Variants in EFHB observed in about 807,000 individuals in gnomAD.
The protein encoded by EFHB is EF-hand domain family member B.
EFHB carries 91 observed loss-of-function variants against 87.2 expected under a neutral mutation model. The observed-to-expected ratio is 1.04, with a 90% CI of 0.88 to 1.24. The LOEUF is 1.24. Ranked by LOEUF, EFHB falls within the 50% of genes most tolerant of loss-of-function variation. The pLI is 0.00. For missense variants in EFHB, 1,084 were observed against 998.8 expected, an observed-to-expected ratio of 1.09 and a Z score of -1.15; for synonymous variants, 325 against 333.6, an observed-to-expected ratio of 0.97 and a Z score of 0.28.
intron 6 of EFHB, among the ~76,000 whole-genome samples, chr3:19,900,695 A>G (rs1487106946): frequency 6.6e-6 from 1 of 152,108 alleles, no homozygotes; most frequent in East Asian, 1.9e-4. Context: ...TTGGGAGGCT[A>G]AAGTGGGCAG....
In EFHB at chr3:19,933,308, T is replaced by C. The variant is rs1286266002; in HGVS notation, c.711A>G (p.Glu237=). 9 of 1,613,898 alleles carry C rather than the reference T, an allele frequency of 5.6e-6. No individual in the cohort carries two copies. The highest frequency in any genetic ancestry group is 7.6e-6 in the Non-Finnish European group (9 of 1,179,902). ...HEQRKEAGNI[E]SGVEPPDRIR... is the part of the protein sequence containing the mutation. ...TGCGATCTGGAGGTTCCACTCCTGA[T>C]TCAATGTTTCCAGCCTCCTTTCTCT... The change falls in exon 1 of 13, where the codon GAA becomes GAG. Residue 237 remains glutamate (E), a synonymous_variant. Coordinates refer to ENST00000295824, the MANE Select transcript of EFHB (RefSeq NM_144715.4).
upstream of EFHB, chr3:19,936,337 G>GAA (rs71055080): frequency 0.32 from 139,051 of 441,196 alleles, 12,070 homozygotes; most frequent in African/African-American, 0.38. Context: ...GCGACAGACT[G>GAA]AAAAAAAAAA....
chr3:19,920,026 A>T (rs185938050), intron 2 of EFHB, 50 bp from the exon 3 acceptor site: 2 of 1,599,924 alleles, frequency 1.3e-6, no homozygotes, highest in East Asian at 4.5e-5. Flanking sequence ...TTCTAAAAAT[A>T]TTAACAGGAC....
At chr3:19,946,889 T>G (rs1696301506) in intron 1 of EFHB, 1 of 152,276 alleles carries the variant, frequency 6.6e-6, no homozygotes, top group South Asian at 2.1e-4. Flanking sequence ...TAAATAACAA[T>G]GGCGCTGGAG....
chr3:19,936,347 A>AAAG (rs1696021125), upstream of EFHB: 3 of 548,898 alleles, frequency 5.5e-6, no homozygotes, highest in South Asian at 2.3e-5. Flanking sequence ...GAAAAAAAAA[A>AAAG]AAGTCCAGGA....
intron 10 of EFHB, among the ~76,000 whole-genome samples, chr3:19,888,161 A>AT (rs560485801): frequency 2.6e-5 from 4 of 152,088 alleles, no homozygotes; most frequent in Admixed American, 2.6e-4. Context: ...GTATATTTTT[A>AT]TTTTTCATAT....
At chr3:19,936,627 G>T (rs180806701), upstream of EFHB, among the ~76,000 whole-genome samples, 35 of 152,178 alleles carry the variant, frequency 2.3e-4, no homozygotes, top group Non-Finnish European at 4.1e-4. Context: ...CAGCACTGTG[G>T]GAGGCCTAGG....
chr3:19,898,130 A>G (rs1575006524), intron 8 of EFHB, among the ~76,000 whole-genome samples: 1 of 152,194 alleles, frequency 6.6e-6, no homozygotes, highest in Non-Finnish European at 1.5e-5. Context: ...CCCTTTGGAT[A>G]TCTGCTGTTT....
At chr3:19,936,086 A>T (rs1017423643), upstream of EFHB, 10 of 1,311,702 alleles carry the variant, frequency 7.6e-6, no homozygotes, top group Admixed American at 2.2e-4. Context: ...AAAACCCCTT[A>T]AAATCCAAAA....
chr3:19,905,660 C>T lies in EFHB; in HGVS notation c.1378G>A (p.Ala460Thr), dbSNP rs201511973. 2 of 1,613,774 alleles carry T rather than the reference C, an allele frequency of 1.2e-6. No individual in the cohort carries two copies. Among genetic ancestry groups the T allele is most frequent in the South Asian group, 2.2e-5 (2 of 91,054 alleles). ...VPTPHFNDGR[A>T]MAKSLYWLHE... is the part of the protein sequence containing the mutation. The stretch of plus-strand genomic sequence containing the variant: ...AGCCAATATAGAGATTTTGCCATGG[C>T]TCGTCCATCATTAAAATGTGGTGTT... Residue 460 changes from alanine to threonine, a missense_variant, in exon 6 of 13, where the codon GCC becomes ACC. Physicochemically the swap from Ala to Thr is moderately conservative, Grantham distance 58. Transcript: ENST00000295824.
At position 19,898,813 on chromosome 3, in the gene EFHB, C is replaced by T. The variant is rs758595933; in HGVS notation, c.1535G>A (p.Cys512Tyr). 3.1e-6 allele frequency: 5 copies of T among 1,613,606 alleles called. No homozygotes were observed. In the South Asian group the frequency reaches 5.5e-5, roughly 18 times the overall value. The change falls in exon 8 of 13, where the codon TGC becomes TAC. Residue 512 changes from cysteine to tyrosine, a missense_variant. Cys to Tyr is a radical substitution (Grantham distance 194). Transcript: ENST00000295824. ...IAETMNVPPD[C>Y]TFGACLRPEE... ...AGGACGGAGACAAGCTCCAAATGTG[C>T]AGTCTGGGGGAACATTCATTGTTTC...
chr3:19,898,689 AAGG>A, intron 8 of EFHB, 86 bp downstream of exon 8: 1 of 1,228,764 alleles, frequency 8.1e-7, no homozygotes, highest in Non-Finnish European at 1.2e-6. Flanking sequence ...GCTTTGAAAT[AAGG>A]AGATGGTGAG....
In EFHB at chr3:19,879,798, C is replaced by G. The variant is rs1339906700; in HGVS notation, c.2335G>C (p.Glu779Gln). ...FKTRSKEEIAEILCNIGVKLS... is the reference protein window; with the variant it reads ...FKTRSKEEIAQILCNIGVKLS... ...TTGACACCAATGTTACACAATATCT[C>G]TGCAATCTAGAAAAAGGCATTTAAA... The change falls in exon 13 of 13, where the codon GAG becomes CAG. Residue 779 changes from glutamate to glutamine, a missense_variant. Glu to Gln is a conservative substitution (Grantham distance 29, BLOSUM62 2). Coordinates refer to ENST00000295824, the MANE Select transcript of EFHB (RefSeq NM_144715.4). 1.9e-6 allele frequency: 3 copies of G among 1,581,120 alleles called. No homozygotes were observed. In the Admixed American group the frequency reaches 5.9e-5, roughly 31 times the overall value.
chr3:19,940,848 C>A, intron 1 of EFHB: 1 of 373,424 alleles, frequency 2.7e-6, no homozygotes, highest in Non-Finnish European at 5.4e-6. Flanking sequence ...GACATGCTCA[C>A]CTTCATAAAC....
At chr3:19,899,370 C>T (rs1194263645) in intron 7 of EFHB, 62 bp downstream of exon 7, 1 of 1,232,396 alleles carries the variant, frequency 8.1e-7, no homozygotes, top group Non-Finnish European at 1.1e-6. Context: ...ACAGTTACCA[C>T]AAGAGTATTT....
chr3:19,894,679 T>C (rs563961256), intron 9 of EFHB: 28 of 152,244 alleles, frequency 1.8e-4, no homozygotes, highest in Admixed American at 4.6e-4. Flanking sequence ...ATTGTGCATA[T>C]TGAGTTAACT....
Position 19,898,756 on chromosome 3 carries a change from C to A in EFHB, c.1570+22G>T, listed in dbSNP as rs369883284. 2.5e-6 allele frequency: 4 copies of A among 1,610,424 alleles called. No homozygotes were observed. In the African/African-American group the frequency reaches 4.0e-5, roughly 16 times the overall value. On this transcript the variant is annotated intron_variant, in intron 8 of 12. Coordinates refer to ENST00000295824, the MANE Select transcript of EFHB (RefSeq NM_144715.4). ...GTTGCTGTTTGTTTGGGGTTTTTTA[C>A]GGAGAAAGTGTGTATATTTACCATA...
chr3:19,938,319 A>G (rs1696069766), upstream of EFHB, among the ~76,000 whole-genome samples: 1 of 152,224 alleles, frequency 6.6e-6, no homozygotes, highest in African/African-American at 2.4e-5. Context: ...AGACGCTTGC[A>G]TTTACTTCAT....
intron 4 of EFHB, among the ~76,000 whole-genome samples, chr3:19,917,773 G>A (rs1484859045): frequency 2.0e-5 from 3 of 152,136 alleles, no homozygotes; most frequent in African/African-American, 4.8e-5. Flanking sequence ...TGGTTAGTAC[G>A]CAGGTAGACC....
Sources: allele counts gnomAD v4.1 joint callset (sites outside exome capture counted in the v4.1 genomes callset), GRCh38; gene constraint gnomAD v4.1.1; transcripts MANE v1.5; gene names NCBI Gene and HGNC (gene_info 2026-07-23, HGNC 2026-07-21).